SLC8A1: variants seen among roughly 807,000 people sequenced by gnomAD.
SLC8A1 encodes the protein solute carrier family 8 member A1.
In SLC8A1, 18 loss-of-function variants were observed where a neutral mutation model predicts 68.3. That is an observed-to-expected ratio of 0.26 (90% CI 0.18 to 0.39). The LOEUF (loss-of-function observed/expected upper bound fraction) is 0.39. Among genes scored for constraint, SLC8A1 ranks in the 10% least tolerant of loss-of-function variants. The pLI is 1.00. For synonymous variants in SLC8A1, 475 were observed against 415.5 expected (o/e 1.14, Z -1.74); for missense variants, 985 against 1,156.7 (o/e 0.85, Z 2.15).
At chr2:40,362,693 TA>T (rs1674957349) in intron 2 of SLC8A1, among the ~76,000 whole-genome samples, 1 of 152,196 alleles carries the variant, frequency 6.6e-6, no homozygotes, top group African/African-American at 2.4e-5. Context: ...AAATTGGGAA[TA>T]AATTTTGGTA....
intron 2 of SLC8A1, among the ~76,000 whole-genome samples, chr2:40,201,350 C>A (rs1342564763): frequency 1.3e-5 from 2 of 151,716 alleles, no homozygotes; most frequent in Admixed American, 1.3e-4. Context: ...GCTCTAAAAC[C>A]AAAACAAAAT....
At chr2:40,323,732 T>A (rs2075483814) in intron 2 of SLC8A1, among the ~76,000 whole-genome samples, 1 of 152,112 alleles carries the variant, frequency 6.6e-6, no homozygotes, top group African/African-American at 2.4e-5. Context: ...CCAAACGGCT[T>A]CCGAGAGTGT....
chr2:40,496,173 G>A (rs988136204), intron 1 of SLC8A1, among the ~76,000 whole-genome samples: 3 of 152,010 alleles, frequency 2.0e-5, no homozygotes, highest in Non-Finnish European at 4.4e-5. Context: ...CTGAGCATAT[G>A]ACTCTGGTAC....
intron 2 of SLC8A1, among the ~76,000 whole-genome samples, chr2:40,375,809 C>T (rs2149526574): frequency 6.6e-6 from 1 of 152,122 alleles, no homozygotes; most frequent in East Asian, 2.0e-4. Context: ...TGAAGACCAG[C>T]CCAGGCAACA....
intron 3 of SLC8A1, 149 bp from the exon 4 acceptor site, chr2:40,175,430 T>C (rs563891550): frequency 2.7e-5 from 19 of 697,274 alleles, no homozygotes; most frequent in Admixed American, 1.7e-4. Context: ...CAAAGAAATA[T>C]AGTGATGGGA....
chr2:40,213,865 T>C (rs764909652), intron 2 of SLC8A1, among the ~76,000 whole-genome samples: 27 of 152,156 alleles, frequency 1.8e-4, no homozygotes, highest in South Asian at 6.2e-4. Flanking sequence ...TGTTCCAAAT[T>C]TGCAAGCTGT....
At chr2:40,190,725 A>G (rs1397375597) in intron 2 of SLC8A1, 1 of 152,212 alleles carries the variant, frequency 6.6e-6, no homozygotes, top group Non-Finnish European at 1.5e-5. Context: ...GACCTGAAAC[A>G]AAACTACAAC....
chr2:40,462,474 C>CTT (rs577897155), intron 1 of SLC8A1, among the ~76,000 whole-genome samples: 2,443 of 144,284 alleles, frequency 0.017, 73 homozygotes, highest in African/African-American at 0.056. Context: ...GGAATCTTTT[C>CTT]TTTTTTTTTT....
intron 2 of SLC8A1, among the ~76,000 whole-genome samples, chr2:40,183,194 G>A (rs2049976016): frequency 6.6e-6 from 1 of 152,182 alleles, no homozygotes; most frequent in Non-Finnish European, 1.5e-5. Flanking sequence ...TGAGTCTCCT[G>A]TGACTGGCTT....
intron 2 of SLC8A1, among the ~76,000 whole-genome samples, chr2:40,317,940 C>T (rs977286747): frequency 4.6e-5 from 7 of 152,072 alleles, no homozygotes; most frequent in Non-Finnish European, 8.8e-5. Context: ...GGATATTCAG[C>T]ATGCACTAAC....
At chr2:40,277,479 G>T (rs2066874258) in intron 2 of SLC8A1, among the ~76,000 whole-genome samples, 1 of 152,084 alleles carries the variant, frequency 6.6e-6, no homozygotes, top group East Asian at 1.9e-4. Flanking sequence ...GGCAGAGGTT[G>T]CAGTGAGCTG....
intron 6 of SLC8A1, among the ~76,000 whole-genome samples, chr2:40,143,887 G>A (rs936788721): frequency 6.6e-6 from 1 of 152,104 alleles, no homozygotes; most frequent in Admixed American, 6.6e-5. Context: ...ATGGACACGT[G>A]GGTCAGAAGA....
chr2:40,372,525 T>C (rs561432388), intron 2 of SLC8A1, among the ~76,000 whole-genome samples: 1 of 152,292 alleles, frequency 6.6e-6, no homozygotes, highest in Admixed American at 6.5e-5. Context: ...GATTCCATAT[T>C]CTGTGGGCTT....
chr2:40,402,392 T>C (rs978807541), intron 2 of SLC8A1, among the ~76,000 whole-genome samples: 2 of 152,216 alleles, frequency 1.3e-5, no homozygotes, highest in African/African-American at 4.8e-5. Context: ...AAGAAGTAAC[T>C]GTAAGTATAA....
intron 2 of SLC8A1, among the ~76,000 whole-genome samples, chr2:40,226,003 CA>C (rs2058930397): frequency 6.6e-6 from 1 of 152,112 alleles, no homozygotes; most frequent in Non-Finnish European, 1.5e-5. Context: ...AGATGGTAAA[CA>C]ATACTCTTTT....
intron 2 of SLC8A1, among the ~76,000 whole-genome samples, chr2:40,400,422 A>T (rs1365444612): frequency 6.6e-5 from 10 of 152,348 alleles, no homozygotes; most frequent in Middle Eastern, 6.8e-3. Flanking sequence ...AGAATTCACA[A>T]AGGAACTAGA....
chr2:40,252,087 C>A (rs1326154861), intron 2 of SLC8A1, among the ~76,000 whole-genome samples: 2 of 152,144 alleles, frequency 1.3e-5, no homozygotes, highest in African/African-American at 4.8e-5. Context: ...GATGGATGAG[C>A]AAACTATGAA....
intron 2 of SLC8A1, among the ~76,000 whole-genome samples, chr2:40,371,721 T>C (rs1428078703): frequency 6.6e-6 from 1 of 152,122 alleles, no homozygotes; most frequent in Non-Finnish European, 1.5e-5. Context: ...GTTTAAACTG[T>C]CTTTGAGATG....
intron 6 of SLC8A1, among the ~76,000 whole-genome samples, chr2:40,145,539 C>G (rs2042300302): frequency 6.6e-6 from 1 of 152,154 alleles, no homozygotes; most frequent in Non-Finnish European, 1.5e-5. Context: ...AGAATTATGA[C>G]TTTTTTGCAA....
Sources: allele counts gnomAD v4.1 joint callset (sites outside exome capture counted in the v4.1 genomes callset), GRCh38; gene constraint gnomAD v4.1.1; transcripts MANE v1.5; gene names NCBI Gene and HGNC (gene_info 2026-07-23, HGNC 2026-07-21).